PF4: variants seen among roughly 807,000 people sequenced by gnomAD.
The protein encoded by PF4 is C-X-C motif chemokine 4.
A neutral mutation model predicts 6.9 loss-of-function variants in PF4; 8 were observed. That is an observed-to-expected ratio of 1.16 (90% CI 0.68 to 2.09). The LOEUF (loss-of-function observed/expected upper bound fraction) is 2.09, where lower values mean the gene tolerates loss of function less well. Ranked by LOEUF, PF4 falls within the 30% of genes most tolerant of loss-of-function variation. PF4 has a pLI of 0.00. For synonymous variants in PF4, 55 were observed against 56.5 expected, an observed-to-expected ratio of 0.97 and a Z score of 0.12; for missense variants, 111 against 122.9, an observed-to-expected ratio of 0.90 and a Z score of 0.46.
In PF4 at chr4:73,981,270, C is replaced by T. The variant is rs4694; in HGVS notation, c.240G>A (p.Arg80=). 1 of 1,614,196 alleles carries T rather than the reference C, an allele frequency of 6.2e-7. No homozygotes were observed. Among genetic ancestry groups the T allele is most frequent in the African/African-American group, 1.3e-5 (1 of 75,052 alleles). Reference sequence around the variant, plus strand: ...GGGCTTGCAGGTCCAAGCAAATTTTCCTTCCATTCTTCAGCGTGGCTCTGG... The same window carrying T: ...GGGCTTGCAGGTCCAAGCAAATTTTTCTTCCATTCTTCAGCGTGGCTCTGG... The part of the protein sequence containing the change: ...AQLIATLKNG[R]KICLDLQAPL... Residue 80 remains arginine, a synonymous_variant, in exon 3 of 3, where the codon AGG becomes AGA. Coordinates refer to ENST00000296029, the MANE Select transcript of PF4 (RefSeq NM_002619.4).
Position 73,981,078 on chromosome 4 carries a change from T to C in PF4, c.*126A>G. ...GAAGTATTTTGACTATACTACAACT[T>C]GATTTATTTTGTTTATTTAAAATCA... On this transcript the variant is annotated 3_prime_UTR_variant, in exon 3 of 3. Transcript: ENST00000296029. 1.4e-6 allele frequency: 1 copy of C among 709,168 alleles called. No homozygotes were observed. Among genetic ancestry groups the C allele is most frequent in the Non-Finnish European group, 2.4e-6 (1 of 424,510 alleles). The allele number at this position is 709,168 out of a possible 1,614,324, so 43.9% of individuals were successfully genotyped here. A position where few individuals can be genotyped will look rare whatever the true frequency, so the allele number is the denominator to read the frequency against.
In PF4 at chr4:73,981,844, G is replaced by C; in HGVS notation, c.91+19C>G. On this transcript the variant is annotated intron_variant, in intron 1 of 2. Coordinates refer to ENST00000296029, the MANE Select transcript of PF4 (RefSeq NM_002619.4). ...CCCCTCGCCGCTGCCAGCCCTCACAGCCTGGCTTCTGCTCTCACCGCTGGC... is the reference window on the plus strand; with the variant it reads ...CCCCTCGCCGCTGCCAGCCCTCACACCCTGGCTTCTGCTCTCACCGCTGGC... The C allele has an allele frequency of 6.4e-7, 1 of 1,550,548 alleles. No homozygotes were observed. The highest frequency in any genetic ancestry group is 1.2e-5 in the South Asian group (1 of 83,968).
In PF4 at chr4:73,981,186, C is replaced by T. The variant is rs751569874; in HGVS notation, c.*18G>A. On this transcript the variant is annotated 3_prime_UTR_variant, in exon 3 of 3. Coordinates refer to ENST00000296029, the MANE Select transcript of PF4 (RefSeq NM_002619.4). ...AAGTATGCTATATAGCAAATGCACA[C>T]ACGTAGGCAGCTAGTAGCTAACTCT... The T allele has an allele frequency of 1.9e-6, 3 of 1,576,172 alleles. No homozygotes were observed. Among genetic ancestry groups the T allele is most frequent in the East Asian group, 2.2e-5 (1 of 44,702 alleles).
chr4:73,981,578 G>A, intron 1 of PF4, 35 bp from the exon 2 acceptor site: 1 of 1,590,628 alleles, frequency 6.3e-7, no homozygotes, highest in East Asian at 2.3e-5. Context: ...GAGAGGAGGA[G>A]GGGAGGGAGT....
chr4:73,981,097 A>T lies in PF4; in HGVS notation c.*107T>A, dbSNP rs1718769509. 1.3e-6 allele frequency: 1 copy of T among 780,958 alleles called. No homozygotes were observed. The highest frequency in any genetic ancestry group is 2.1e-6 in the Non-Finnish European group (1 of 479,764). The allele number at this position is 780,958 out of a possible 1,614,324, so 48.4% of individuals were successfully genotyped here. ...ACAACTTGATTTATTTTGTTTATTT[A>T]AAATCATAAGGATAACACAAATATC... On this transcript the variant is annotated 3_prime_UTR_variant, in exon 3 of 3. Coordinates refer to ENST00000296029, the MANE Select transcript of PF4 (RefSeq NM_002619.4).
upstream of PF4, chr4:73,982,101 G>A (rs1446816327): frequency 1.4e-5 from 6 of 419,002 alleles, no homozygotes; most frequent in Non-Finnish European, 2.6e-5. Context: ...GGACACCGAG[G>A]AACTGCGGTG....
Position 73,980,957 on chromosome 4 carries a change from C to A in PF4, c.*247G>T. On this transcript the variant is annotated 3_prime_UTR_variant, in exon 3 of 3. Transcript: ENST00000296029. Reference sequence around the variant, plus strand: ...TGTAACACCAAGCATAACCAGTATTCACACCTTCCTTCAAAATACTTTTTG... The same window carrying A: ...TGTAACACCAAGCATAACCAGTATTAACACCTTCCTTCAAAATACTTTTTG... 1 of 501,574 alleles carries A rather than the reference C, an allele frequency of 2.0e-6. No homozygotes were observed. The highest frequency in any genetic ancestry group is 3.6e-6 in the Non-Finnish European group (1 of 280,406). The allele number at this position is 501,574 out of a possible 1,614,324, so 31.1% of individuals were successfully genotyped here. A position where few individuals can be genotyped will look rare whatever the true frequency, so the allele number is the denominator to read the frequency against.
chr4:73,980,940 C>A lies in PF4; in HGVS notation c.*264G>T. On this transcript the variant is annotated 3_prime_UTR_variant, in exon 3 of 3. Coordinates refer to ENST00000296029, the MANE Select transcript of PF4 (RefSeq NM_002619.4). ...ATATGTATCAGCCAACATGTAACAC[C>A]AAGCATAACCAGTATTCACACCTTC... is the stretch of plus-strand genomic sequence containing the variant. 3 of 438,864 alleles carry A rather than the reference C, an allele frequency of 6.8e-6. No homozygotes were observed. The highest frequency in any genetic ancestry group is 3.1e-5 in the South Asian group (1 of 32,358). 27.2% of individuals were successfully genotyped at this position (438,864 alleles called of 1,614,324 possible).
upstream of PF4, chr4:73,982,074 G>C: frequency 1.4e-6 from 1 of 714,492 alleles, no homozygotes; most frequent in African/African-American, 1.8e-5. Context: ...TGTCCTTCCA[G>C]TCCGGAAGCC....
intron 2 of PF4, 59 bp downstream of exon 2, chr4:73,981,358 A>T: frequency 1.2e-6 from 2 of 1,613,410 alleles, no homozygotes; most frequent in South Asian, 2.2e-5. Context: ...TAGAAGGGGG[A>T]GGGTTGGGCA....
chr4:73,981,411 A>T lies in PF4; in HGVS notation c.218+6T>A. On this transcript the variant is annotated splice_donor_region_variant and intron_variant, in intron 2 of 2. Transcript: ENST00000296029. ...GAGCACTGACAGATGCAGTGCAAGG[A>T]CTCACATCAGTTGGGCAGTGGGGCA... 6.2e-7 allele frequency: 1 copy of T among 1,614,088 alleles called. No individual in the cohort carries two copies. Among genetic ancestry groups the T allele is most frequent in the Non-Finnish European group, 8.5e-7 (1 of 1,180,012 alleles).
At chr4:73,981,735 A>G in intron 1 of PF4, 128 bp downstream of exon 1, 1 of 1,476,328 alleles carries the variant, frequency 6.8e-7, no homozygotes, top group Non-Finnish European at 9.0e-7. Context: ...CACTGTGGCC[A>G]GACACTCAGC....
Sources: allele counts gnomAD v4.1 joint callset, GRCh38; gene constraint gnomAD v4.1.1; transcripts MANE v1.5; gene names NCBI Gene and HGNC (gene_info 2026-07-23, HGNC 2026-07-21).